Variants in MPC2 observed in about 807,000 individuals in gnomAD.
MPC2 encodes the protein brain protein 44.
MPC2 carries 19 observed loss-of-function variants against 19.2 expected under a neutral mutation model. The observed-to-expected ratio is 0.99, with a 90% CI of 0.69 to 1.45. MPC2 has a LOEUF of 1.45. Ranked by LOEUF, MPC2 falls within the 40% of genes most tolerant of loss-of-function variation. The pLI is 0.00. For missense variants in MPC2, 122 were observed against 153.0 expected (o/e 0.80, Z 1.07); for synonymous variants, 61 against 54.3 (o/e 1.12, Z -0.54).
intron 2 of MPC2, among the ~76,000 whole-genome samples, chr1:167,929,737 T>A (rs1403085731): frequency 1.3e-5 from 2 of 152,172 alleles, no homozygotes; most frequent in East Asian, 3.8e-4. Flanking sequence ...AGACTAACTT[T>A]TTGGAACAGA....
At chr1:167,920,222 T>G (rs1423260127) in intron 4 of MPC2, 132 bp from the exon 5 acceptor site, 2 of 625,538 alleles carry the variant, frequency 3.2e-6, no homozygotes, top group African/African-American at 1.9e-5. Flanking sequence ...ACTCTGAATT[T>G]TCAATGTTTC....
At chr1:167,920,653 G>A (rs1557851938) in intron 3 of MPC2, 22 bp from the exon 4 acceptor site, 1 of 1,591,752 alleles carries the variant, frequency 6.3e-7, no homozygotes, top group Non-Finnish European at 8.5e-7. Flanking sequence ...CGCATAGAAA[G>A]AAAAAAAGTA....
chr1:167,934,415 T>C (rs777781157), intron 2 of MPC2, among the ~76,000 whole-genome samples: 3 of 152,152 alleles, frequency 2.0e-5, no homozygotes, highest in Non-Finnish European at 2.9e-5. Flanking sequence ...CCGAAAATCT[T>C]TGCCACAAAA....
At position 167,925,442 on chromosome 1, in the gene MPC2, C is replaced by CGTATAT. The variant is rs1553200802; in HGVS notation, c.110-906_110-905insATATAC. On this transcript the variant is annotated intron_variant, in intron 2 of 5. Transcript: ENST00000271373. ...TATAATATACAGATATACATATACA[C>CGTATAT]ATATATATATATATATATATATATA... 5.5e-3 allele frequency among the ~76,000 whole-genome samples: 449 copies of CGTATAT among 82,254 alleles called. 2 individuals are homozygous for CGTATAT. Among genetic ancestry groups the CGTATAT allele is most frequent in the Non-Finnish European group, 6.6e-3 (288 of 43,404 alleles). The allele number at this position is 82,254 out of a possible 152,430, so 54.0% of individuals were successfully genotyped here. A position where few individuals can be genotyped will look rare whatever the true frequency, so the allele number is the denominator to read the frequency against.
In MPC2 at chr1:167,920,569, T is replaced by C. The variant is rs935296038; in HGVS notation, c.213A>G (p.Gln71=). The C allele has an allele frequency of 6.2e-6, 10 of 1,613,900 alleles. No homozygotes were observed. The highest frequency in any genetic ancestry group is 8.5e-6 in the Non-Finnish European group (10 of 1,179,938). The part of the protein sequence containing the change: ...ARPAEKLSTA[Q]SAVLMATGFI... ...TACCTGTAGCCATCAAAACAGCAGA[T>C]TGAGCTGTGCTAAGTTTTTCTGCAG... The change falls in exon 4 of 6, where the codon CAA becomes CAG. Residue 71 remains glutamine (Q), a synonymous_variant. Coordinates refer to ENST00000271373, the MANE Select transcript of MPC2 (RefSeq NM_001143674.4).
At chr1:167,920,486 A>G in intron 4 of MPC2, 61 bp downstream of exon 4, 1 of 1,550,504 alleles carries the variant, frequency 6.4e-7, no homozygotes, top group Non-Finnish European at 8.8e-7. Flanking sequence ...AAACTGATAT[A>G]AAAGAAAACA....
intron 2 of MPC2, among the ~76,000 whole-genome samples, chr1:167,927,931 A>G (rs1395968534): frequency 6.6e-6 from 1 of 152,246 alleles, no homozygotes; most frequent in African/African-American, 2.4e-5. Context: ...ACAGAAAAAT[A>G]GCAGTAGCCA....
rs1466181468 is a variant in MPC2, at chr1:167,935,857, G to A, written c.-16C>T. 1 of 1,543,064 alleles carries A rather than the reference G, an allele frequency of 6.5e-7. No homozygotes were observed. ...CGGCCGACATCGCCGCCGAGGGATCGTTGGCAGCCGGGTGGGAGCGTGGCT... is the reference window on the plus strand; with the variant it reads ...CGGCCGACATCGCCGCCGAGGGATCATTGGCAGCCGGGTGGGAGCGTGGCT... On this transcript the variant is annotated 5_prime_UTR_variant, in exon 2 of 6. It adds an upstream start codon to the 5' untranslated region. Coordinates refer to ENST00000271373, the MANE Select transcript of MPC2 (RefSeq NM_001143674.4).
intron 2 of MPC2, among the ~76,000 whole-genome samples, chr1:167,927,900 T>C (rs555882888): frequency 4.4e-4 from 67 of 152,314 alleles, no homozygotes; most frequent in African/African-American, 1.5e-3. Context: ...TAATTTTAGT[T>C]TAACAACTGC....
intron 2 of MPC2, among the ~76,000 whole-genome samples, chr1:167,925,931 T>C (rs1020391923): frequency 2.0e-5 from 3 of 152,216 alleles, no homozygotes; most frequent in African/African-American, 7.2e-5. Context: ...TCTTATGCTT[T>C]TAATAGTTTT....
In MPC2 at chr1:167,918,189, T is replaced by C. The variant is rs551307466; in HGVS notation, c.*134A>G. On this transcript the variant is annotated 3_prime_UTR_variant, in exon 6 of 6. Coordinates refer to ENST00000271373, the MANE Select transcript of MPC2 (RefSeq NM_001143674.4). ...TTAAAAGTTTGCTGCATTTTTCTAT[T>C]GAATCAAGAACTAGCTACCAGTTAC... 4.5e-5 allele frequency: 28 copies of C among 621,042 alleles called. No homozygotes were observed. The highest frequency in any genetic ancestry group is 3.5e-4 in the South Asian group (14 of 39,862). 38.5% of individuals were successfully genotyped at this position (621,042 alleles called of 1,614,324 possible). A position where few individuals can be genotyped will look rare whatever the true frequency, so the allele number is the denominator to read the frequency against.
Position 167,924,553 on chromosome 1 carries a change from A to G in MPC2, c.110-16T>C, listed in dbSNP as rs760361710. 2 of 1,511,502 alleles carry G rather than the reference A, an allele frequency of 1.3e-6. No homozygotes were observed. Among genetic ancestry groups the G allele is most frequent in the South Asian group, 2.6e-5 (2 of 76,034 alleles). The allele number at this position is 1,511,502 out of a possible 1,614,324, so 93.6% of individuals were successfully genotyped here. A position where few individuals can be genotyped will look rare whatever the true frequency, so the allele number is the denominator to read the frequency against. ...GTTCTGGGACCTGAAAAAAAAAAGA[A>G]AAGAAAAATTCAGGAATAAACCAAA... On this transcript the variant is annotated splice_polypyrimidine_tract_variant and intron_variant, in intron 2 of 5. Transcript: ENST00000271373.
intron 4 of MPC2, 151 bp downstream of exon 4, chr1:167,920,396 C>T (rs1047986714): frequency 2.4e-6 from 2 of 834,222 alleles, no homozygotes; most frequent in South Asian, 2.0e-5. Context: ...ACTCCTCCAT[C>T]CATAACTTAA....
chr1:167,928,492 T>C (rs1039024802), intron 2 of MPC2, among the ~76,000 whole-genome samples: 1 of 152,182 alleles, frequency 6.6e-6, no homozygotes, highest in Non-Finnish European at 1.5e-5. Context: ...ATAAAACAGA[T>C]ACAGAGGCTG....
At chr1:167,934,735 G>C (rs1351580917) in intron 2 of MPC2, among the ~76,000 whole-genome samples, 1 of 152,118 alleles carries the variant, frequency 6.6e-6, no homozygotes. Flanking sequence ...GAGAATAAAA[G>C]CCACTTTTCG....
intron 2 of MPC2, among the ~76,000 whole-genome samples, chr1:167,924,792 T>C (rs532186371): frequency 5.1e-4 from 77 of 152,278 alleles, no homozygotes; most frequent in Middle Eastern, 3.4e-3. Flanking sequence ...TCAGTAAATA[T>C]ACTGCCATAT....
chr1:167,924,545 A>T lies in MPC2; in HGVS notation c.110-8T>A. The T allele has an allele frequency of 6.5e-7, 1 of 1,526,780 alleles. No individual in the cohort carries two copies. The highest frequency in any genetic ancestry group is 8.8e-7 in the Non-Finnish European group (1 of 1,141,726). The allele number at this position is 1,526,780 out of a possible 1,614,324, so 94.6% of individuals were successfully genotyped here. Reference sequence around the variant, plus strand: ...AGAAAACTGTTCTGGGACCTGAAAAAAAAAAGAAAAGAAAAATTCAGGAAT... The same window carrying T: ...AGAAAACTGTTCTGGGACCTGAAAATAAAAAGAAAAGAAAAATTCAGGAAT... On this transcript the variant is annotated splice_polypyrimidine_tract_variant and splice_region_variant and intron_variant, in intron 2 of 5. Transcript: ENST00000271373.
chr1:167,921,508 C>G (rs1327699034), intron 3 of MPC2, among the ~76,000 whole-genome samples: 1 of 152,158 alleles, frequency 6.6e-6, no homozygotes, highest in Non-Finnish European at 1.5e-5. Context: ...AGGTGTGAGC[C>G]ACCATGCCCG....
intron 2 of MPC2, among the ~76,000 whole-genome samples, chr1:167,930,930 T>C (rs1159127888): frequency 6.6e-6 from 1 of 152,258 alleles, no homozygotes; most frequent in Non-Finnish European, 1.5e-5. Flanking sequence ...ATGTTAAGTG[T>C]TGAACAACTG....
Sources: allele counts gnomAD v4.1 joint callset (sites outside exome capture counted in the v4.1 genomes callset), GRCh38; gene constraint gnomAD v4.1.1; transcripts MANE v1.5; gene names NCBI Gene and HGNC (gene_info 2026-07-23, HGNC 2026-07-21).